Variants in RSRC1 observed in about 807,000 individuals in gnomAD.
The protein encoded by RSRC1 is serine/Arginine-related protein 53.
In RSRC1, 39 loss-of-function variants were observed where a neutral mutation model predicts 49.1. The observed-to-expected ratio is 0.79, with a 90% confidence interval of 0.61 to 1.04. The LOEUF (loss-of-function observed/expected upper bound fraction) is 1.04. Among genes scored for constraint, RSRC1 ranks in the 50% least tolerant of loss-of-function variants. RSRC1 has a pLI of 0.00. For synonymous variants in RSRC1, 143 were observed against 130.8 expected (o/e 1.09, Z -0.63); for missense variants, 388 against 402.4 (o/e 0.96, Z 0.31).
chr3:158,316,644 C>T lies in RSRC1; in HGVS notation c.531+18569C>T, dbSNP rs536766564. Among the ~76,000 whole-genome samples, 171 of 152,016 alleles carry T rather than the reference C, an allele frequency of 1.1e-3. 1 individual carries two copies. Among genetic ancestry groups the T allele is most frequent in the Middle Eastern group, 3.4e-3 (1 of 294 alleles). On this transcript the variant is annotated intron_variant, in intron 5 of 9. Coordinates refer to ENST00000611884, the MANE Select transcript of RSRC1 (RefSeq NM_001271838.2). ...TATTTTTAGTAGAGACGGGGTTTCA[C>T]TGTGTTAGCCAGGATGGTCTCGATC...
chr3:158,480,819 A>G (rs1200198422), intron 7 of RSRC1, among the ~76,000 whole-genome samples: 1 of 152,036 alleles, frequency 6.6e-6, no homozygotes, highest in Non-Finnish European at 1.5e-5. Flanking sequence ...CTTTAAATGT[A>G]TTGTTTAATT....
chr3:158,442,015 T>C (rs1245466829), intron 6 of RSRC1, among the ~76,000 whole-genome samples: 1 of 152,130 alleles, frequency 6.6e-6, no homozygotes, highest in Non-Finnish European at 1.5e-5. Context: ...TACTGTACTG[T>C]AGTCTATTAA....
At chr3:158,391,159 C>A (rs1733262596) in intron 6 of RSRC1, among the ~76,000 whole-genome samples, 1 of 152,042 alleles carries the variant, frequency 6.6e-6, no homozygotes. Flanking sequence ...ATTCTTTATT[C>A]TCCACACCCC....
At chr3:158,329,177 A>T (rs1435581625) in intron 5 of RSRC1, among the ~76,000 whole-genome samples, 1 of 152,090 alleles carries the variant, frequency 6.6e-6, no homozygotes, top group Non-Finnish European at 1.5e-5. Flanking sequence ...TTGCATTGGG[A>T]TCGAACTTCC....
At chr3:158,348,726 C>A (rs757955509) in intron 5 of RSRC1, among the ~76,000 whole-genome samples, 19 of 152,108 alleles carry the variant, frequency 1.2e-4, no homozygotes, top group Middle Eastern at 3.2e-3. Context: ...TCACCCCTCA[C>A]TCCCCTCCCA....
intron 7 of RSRC1, among the ~76,000 whole-genome samples, chr3:158,508,787 G>A (rs545952080): frequency 2.5e-4 from 38 of 152,188 alleles, no homozygotes; most frequent in South Asian, 1.7e-3. Flanking sequence ...ATCTCATCAC[G>A]TAGGCATTTT....
intron 7 of RSRC1, among the ~76,000 whole-genome samples, chr3:158,492,896 T>C (rs1456272527): frequency 6.6e-6 from 1 of 152,092 alleles, no homozygotes; most frequent in African/African-American, 2.4e-5. Flanking sequence ...AGAAGAAATG[T>C]AGTGAAGAGG....
chr3:158,388,524 G>A (rs1284991615), intron 6 of RSRC1, among the ~76,000 whole-genome samples: 3 of 151,884 alleles, frequency 2.0e-5, no homozygotes, highest in South Asian at 2.1e-4. Flanking sequence ...TTTACAAACA[G>A]CAATATAACT....
intron 1 of RSRC1, among the ~76,000 whole-genome samples, chr3:158,114,080 T>C (rs1211769743): frequency 6.6e-6 from 1 of 152,262 alleles, no homozygotes; most frequent in Non-Finnish European, 1.5e-5. Flanking sequence ...CGTGCCTTTG[T>C]CCTGTATGGT....
intron 4 of RSRC1, among the ~76,000 whole-genome samples, chr3:158,239,511 G>GGC (rs1723442692): frequency 1.4e-5 from 2 of 146,428 alleles, no homozygotes; most frequent in African/African-American, 5.0e-5. Flanking sequence ...ATACACCATG[G>GGC]AATACTGTGC....
chr3:158,362,088 C>G (rs1731505468), intron 6 of RSRC1, among the ~76,000 whole-genome samples: 1 of 152,140 alleles, frequency 6.6e-6, no homozygotes, highest in Admixed American at 6.5e-5. Flanking sequence ...CCTATAATCC[C>G]AGCACTGTAG....
chr3:158,516,175 G>T (rs533892758), intron 7 of RSRC1, among the ~76,000 whole-genome samples: 1 of 152,068 alleles, frequency 6.6e-6, no homozygotes, highest in East Asian at 1.9e-4. Context: ...AGAGGTGCTC[G>T]CTTTTTAGAG....
chr3:158,183,234 A>G (rs1275346917), intron 3 of RSRC1, among the ~76,000 whole-genome samples: 2 of 152,104 alleles, frequency 1.3e-5, no homozygotes, highest in Admixed American at 1.3e-4. Flanking sequence ...ATACTTTTCA[A>G]TAAAATAAAA....
intron 6 of RSRC1, among the ~76,000 whole-genome samples, chr3:158,435,001 CT>C (rs2108362629): frequency 6.6e-6 from 1 of 151,922 alleles, no homozygotes; most frequent in Non-Finnish European, 1.5e-5. Flanking sequence ...GGATCTCAAA[CT>C]CATTAAGTGT....
chr3:158,403,249 A>G lies in RSRC1; in HGVS notation c.583+48341A>G, dbSNP rs183340408. Among the ~76,000 whole-genome samples, 3 of 151,972 alleles carry G rather than the reference A, an allele frequency of 2.0e-5. No individual in the cohort carries two copies. In the East Asian group the frequency reaches 5.8e-4, roughly 29 times the overall value. ...ATAGCTGGCAATAAAATTTCTCTCAATGAGATTTTCCTGAGAAACTATAAA... is the reference window on the plus strand; with the variant it reads ...ATAGCTGGCAATAAAATTTCTCTCAGTGAGATTTTCCTGAGAAACTATAAA... On this transcript the variant is annotated intron_variant, in intron 6 of 9. Transcript: ENST00000611884.
At chr3:158,537,302 G>A in intron 8 of RSRC1, 104 bp downstream of exon 8, 3 of 627,462 alleles carry the variant, frequency 4.8e-6, no homozygotes, top group Non-Finnish European at 7.9e-6. Flanking sequence ...TAGATGAAGT[G>A]AAGCAAGAGA....
intron 6 of RSRC1, among the ~76,000 whole-genome samples, chr3:158,385,186 A>T (rs1011343942): frequency 6.6e-6 from 1 of 152,166 alleles, no homozygotes; most frequent in Non-Finnish European, 1.5e-5. Flanking sequence ...ACAAAAATAA[A>T]TTGTGCCAGG....
intron 5 of RSRC1, chr3:158,302,677 T>TTTTTTTTTTTTGAGA (rs1727630297): frequency 6.8e-6 from 1 of 147,090 alleles, no homozygotes; most frequent in African/African-American, 2.5e-5. Context: ...CTTTTTTTTT[T>TTTTTTTTTTTTGAGA]TGAGATGGGA....
intron 4 of RSRC1, among the ~76,000 whole-genome samples, chr3:158,283,131 T>C (rs1055511504): frequency 1.3e-5 from 2 of 152,026 alleles, no homozygotes; most frequent in African/African-American, 4.8e-5. Context: ...ATTACGTAGA[T>C]GGTATAAGGG....
Sources: allele counts gnomAD v4.1 joint callset (sites outside exome capture counted in the v4.1 genomes callset), GRCh38; gene constraint gnomAD v4.1.1; transcripts MANE v1.5; gene names NCBI Gene and HGNC (gene_info 2026-07-23, HGNC 2026-07-21).